Variants in NKAIN3 observed in about 807,000 individuals in gnomAD.
NKAIN3 encodes the protein sodium/potassium-transporting ATPase subunit beta-1-interacting protein 3.
A neutral mutation model predicts 30.2 loss-of-function variants in NKAIN3; 25 were observed. The observed-to-expected ratio is 0.83, with a 90% CI of 0.60 to 1.16. NKAIN3 has a LOEUF of 1.16. NKAIN3 is among the 50% of genes most tolerant of loss of function. The probability of loss-of-function intolerance (pLI) is 0.00; values close to 1 mark genes in which losing one functional copy is unlikely to be tolerated. For missense variants in NKAIN3, 225 were observed against 254.1 expected (o/e 0.89, Z 0.78); for synonymous variants, 91 against 89.6 (o/e 1.02, Z -0.09).
chr8:62,773,611 T>C (rs1243331229), intron 4 of NKAIN3, among the ~76,000 whole-genome samples: 3 of 152,112 alleles, frequency 2.0e-5, no homozygotes, highest in Non-Finnish European at 4.4e-5. Flanking sequence ...AATTGCATCA[T>C]GGGGGCAGAT....
chr8:62,331,069 C>G (rs1483206912), intron 1 of NKAIN3, among the ~76,000 whole-genome samples: 1 of 148,338 alleles, frequency 6.7e-6, no homozygotes, highest in Non-Finnish European at 1.5e-5. Context: ...CCTCCTCTCT[C>G]TCTCTCTCTG....
At chr8:62,313,167 T>C (rs1814502590) in intron 1 of NKAIN3, among the ~76,000 whole-genome samples, 1 of 152,168 alleles carries the variant, frequency 6.6e-6, no homozygotes, top group South Asian at 2.1e-4. Context: ...TCTGTCTCTA[T>C]TAAAAACTAA....
At position 62,459,987 on chromosome 8, in the gene NKAIN3, C is replaced by T. The variant is rs192200248; in HGVS notation, c.55-119552C>T. Among the ~76,000 whole-genome samples the T allele has an allele frequency of 2.4e-3, 364 of 152,272 alleles. 1 individual carries two copies. The highest frequency in any genetic ancestry group is 3.6e-3 in the Non-Finnish European group (248 of 68,014). On this transcript the variant is annotated intron_variant, in intron 1 of 6. Transcript: ENST00000623646. ...CTTTATATGCTATTGTGAGAATAGA[C>T]TGTAATGTGGTACAATTCAAAACAG...
intron 4 of NKAIN3, among the ~76,000 whole-genome samples, chr8:62,843,040 C>T (rs951494173): frequency 8.6e-5 from 13 of 151,910 alleles, no homozygotes; most frequent in East Asian, 7.8e-4. Flanking sequence ...GCAAAAGAAA[C>T]GATGAACAAA....
chr8:62,686,437 T>G (rs1813802437), intron 3 of NKAIN3, among the ~76,000 whole-genome samples: 1 of 152,034 alleles, frequency 6.6e-6, no homozygotes, highest in African/African-American at 2.4e-5. Flanking sequence ...TGTGACAATC[T>G]CTGTACAGCC....
intron 4 of NKAIN3, among the ~76,000 whole-genome samples, chr8:62,788,247 G>C (rs1190214764): frequency 2.0e-5 from 3 of 152,128 alleles, no homozygotes; most frequent in Non-Finnish European, 4.4e-5. Context: ...GTGTGAGATG[G>C]TATCTCATTA....
intron 3 of NKAIN3, among the ~76,000 whole-genome samples, chr8:62,647,749 G>A (rs1385385641): frequency 6.6e-6 from 1 of 152,192 alleles, no homozygotes; most frequent in East Asian, 1.9e-4. Flanking sequence ...ATTGCCGAAA[G>A]GCAAGAAGTG....
intron 3 of NKAIN3, among the ~76,000 whole-genome samples, chr8:62,669,267 G>C (rs1328936827): frequency 6.6e-6 from 1 of 152,170 alleles, no homozygotes; most frequent in Non-Finnish European, 1.5e-5. Flanking sequence ...TATGAGATCT[G>C]CATTTCCATC....
At chr8:62,914,809 T>TA (rs1318891383) in intron 4 of NKAIN3, among the ~76,000 whole-genome samples, 28 of 151,296 alleles carry the variant, frequency 1.9e-4, no homozygotes, top group African/African-American at 6.1e-4. Context: ...TATTATACTT[T>TA]AAGTACTGGG....
At chr8:62,600,889 C>T (rs1338338001) in intron 3 of NKAIN3, among the ~76,000 whole-genome samples, 1 of 152,086 alleles carries the variant, frequency 6.6e-6, no homozygotes, top group Admixed American at 6.6e-5. Context: ...ATTCTTATTA[C>T]TTACCTTGAA....
intron 4 of NKAIN3, among the ~76,000 whole-genome samples, chr8:62,815,652 C>G (rs990579652): frequency 6.6e-6 from 1 of 152,106 alleles, no homozygotes; most frequent in Non-Finnish European, 1.5e-5. Flanking sequence ...CAGAAAAGGC[C>G]TTTGACAACA....
At chr8:62,252,766 T>C (rs1275540030) in intron 1 of NKAIN3, among the ~76,000 whole-genome samples, 1 of 152,272 alleles carries the variant, frequency 6.6e-6, no homozygotes, top group Non-Finnish European at 1.5e-5. Flanking sequence ...GTAAGGATAC[T>C]TTCAGTTTTG....
chr8:62,454,281 C>T (rs1360763978), intron 1 of NKAIN3, among the ~76,000 whole-genome samples: 1 of 71,014 alleles, frequency 1.4e-5, no homozygotes, highest in Non-Finnish European at 3.3e-5. Flanking sequence ...AATACACCAA[C>T]ACTAACAATA....
At chr8:62,703,738 T>C (rs1344554302) in intron 3 of NKAIN3, among the ~76,000 whole-genome samples, 1 of 152,204 alleles carries the variant, frequency 6.6e-6, no homozygotes, top group African/African-American at 2.4e-5. Flanking sequence ...GAGACTTTTA[T>C]GTTTAATGTA....
intron 1 of NKAIN3, among the ~76,000 whole-genome samples, chr8:62,282,486 T>C (rs1432370278): frequency 6.6e-6 from 1 of 152,198 alleles, no homozygotes; most frequent in East Asian, 1.9e-4. Flanking sequence ...ATGCGTTTGC[T>C]GACAGATTGA....
At chr8:62,483,773 T>C (rs747227359) in intron 1 of NKAIN3, 1 of 278,956 alleles carries the variant, frequency 3.6e-6, no homozygotes, top group Non-Finnish European at 6.9e-6. Context: ...TTGCAGCTTC[T>C]TCAAGCTCCT....
chr8:62,942,174 A>G (rs1167025533), intron 5 of NKAIN3, among the ~76,000 whole-genome samples: 4 of 147,022 alleles, frequency 2.7e-5, no homozygotes, highest in South Asian at 2.1e-4. Context: ...GCTGCAATAT[A>G]TATATATATA....
chr8:62,838,656 T>A (rs546507963), intron 4 of NKAIN3, among the ~76,000 whole-genome samples: 5 of 152,092 alleles, frequency 3.3e-5, no homozygotes, highest in Non-Finnish European at 5.9e-5. Flanking sequence ...GGAAGCCTTT[T>A]GTATTTGTGA....
rs536862029 is a variant in NKAIN3 at position 62,795,519 on chromosome 8, C to T, written c.471+48390C>T. ...AATCAAGCAGTCTTAAGTTTAGATC[C>T]CAGCTCCAGAATTTACTCGCTATAG... is the stretch of plus-strand genomic sequence containing the variant. On this transcript the variant is annotated intron_variant, in intron 4 of 6. Coordinates refer to ENST00000623646, the MANE Select transcript of NKAIN3 (RefSeq NM_001304533.3). 5.3e-5 allele frequency among the ~76,000 whole-genome samples: 8 copies of T among 152,206 alleles called. No homozygotes were observed. The South Asian group carries it at 1.7e-3, about 32-fold the overall frequency.
Sources: gnomAD v4.1 joint callset for allele counts (sites outside exome capture counted in the v4.1 genomes callset) on GRCh38, gnomAD v4.1.1 for gene constraint, MANE v1.5 for transcripts, NCBI Gene and HGNC (gene_info 2026-07-23, HGNC 2026-07-21) for gene names.